Variants in PDZRN4 observed in about 807,000 individuals in gnomAD.
The protein encoded by PDZRN4 is PDZ domain containing ring finger 4.
In PDZRN4, 70 loss-of-function variants were observed where a neutral mutation model predicts 99.0. The ratio of observed to expected loss-of-function variants is 0.71; its 90% CI spans 0.58 to 0.86. The LOEUF (loss-of-function observed/expected upper bound fraction) is 0.86. Among genes scored for constraint, PDZRN4 ranks in the 40% least tolerant of loss-of-function variants. The pLI is 0.00. For synonymous variants in PDZRN4, 551 were observed against 501.6 expected (o/e 1.10, Z -1.32); for missense variants, 1,474 against 1,331.2 (o/e 1.11, Z -1.67).
At chr12:41,464,085 G>A (rs1462014080) in intron 3 of PDZRN4, among the ~76,000 whole-genome samples, 1 of 152,118 alleles carries the variant, frequency 6.6e-6, no homozygotes, top group Non-Finnish European at 1.5e-5. Flanking sequence ...ATAGAATTCA[G>A]TTACCTCCAG....
chr12:41,510,534 A>G (rs1054639977), intron 5 of PDZRN4, among the ~76,000 whole-genome samples: 1 of 152,178 alleles, frequency 6.6e-6, no homozygotes, highest in Admixed American at 6.6e-5. Flanking sequence ...TAAAGAATGT[A>G]TCCTAATATT....
At chr12:41,390,579 T>TAAAAAAAAA (rs1555138907) in intron 3 of PDZRN4, among the ~76,000 whole-genome samples, 18 of 95,386 alleles carry the variant, frequency 1.9e-4, no homozygotes, top group South Asian at 3.7e-4. Flanking sequence ...AAAAAAAAAG[T>TAAAAAAAAA]AAAAGCTTTT....
rs573478738 is a variant in PDZRN4, at chr12:41,380,161, C to T, written c.844-126295C>T. Among the ~76,000 whole-genome samples, 4 of 151,958 alleles carry T rather than the reference C, an allele frequency of 2.6e-5. No homozygotes were observed. The South Asian group carries it at 8.3e-4, about 32-fold the overall frequency. On this transcript the variant is annotated intron_variant, in intron 3 of 9. Coordinates refer to ENST00000402685, the MANE Select transcript of PDZRN4 (RefSeq NM_001164595.2). ...TCTTCTCCGATGTAAATTTAGTCACCCCTGCTCTCTTTTGATTTTCATTGC... is the reference window on the plus strand; with the variant it reads ...TCTTCTCCGATGTAAATTTAGTCACTCCTGCTCTCTTTTGATTTTCATTGC...
At chr12:41,532,526 C>A (rs1303731703) in intron 5 of PDZRN4, among the ~76,000 whole-genome samples, 5 of 152,192 alleles carry the variant, frequency 3.3e-5, no homozygotes, top group African/African-American at 1.2e-4. Context: ...AAATCATGAA[C>A]ATGAGTTCTT....
chr12:41,468,807 T>C (rs1952955931), intron 3 of PDZRN4, among the ~76,000 whole-genome samples: 1 of 152,218 alleles, frequency 6.6e-6, no homozygotes. Context: ...GAATTGATTC[T>C]AATAAGCCTT....
chr12:41,346,089 A>G (rs1175938497), intron 3 of PDZRN4, among the ~76,000 whole-genome samples: 8 of 152,188 alleles, frequency 5.3e-5, no homozygotes, highest in Admixed American at 5.2e-4. Context: ...CACGAGATTA[A>G]GCCCCTTGTC....
At chr12:41,214,362 G>A (rs1950906851) in intron 3 of PDZRN4, among the ~76,000 whole-genome samples, 1 of 134,700 alleles carries the variant, frequency 7.4e-6, no homozygotes, top group African/African-American at 2.8e-5. Context: ...TCAGGAGTTT[G>A]AGGCTGCAGT....
intron 3 of PDZRN4, among the ~76,000 whole-genome samples, chr12:41,305,442 G>C (rs565205388): frequency 7.9e-5 from 12 of 152,280 alleles, no homozygotes; most frequent in Admixed American, 2.6e-4. Context: ...AAATACCGTA[G>C]ATTGAACAAC....
intron 3 of PDZRN4, among the ~76,000 whole-genome samples, chr12:41,489,798 C>T (rs1358524311): frequency 6.6e-6 from 1 of 151,824 alleles, no homozygotes; most frequent in Non-Finnish European, 1.5e-5. Context: ...GAGTATTTCA[C>T]AAGGGCCAAG....
chr12:41,311,022 C>G (rs1445833682), intron 3 of PDZRN4, among the ~76,000 whole-genome samples: 2 of 152,016 alleles, frequency 1.3e-5, no homozygotes, highest in Non-Finnish European at 2.9e-5. Flanking sequence ...GCACAGATAA[C>G]AACTATTAAA....
At chr12:41,203,194 G>A (rs1352887544) in intron 3 of PDZRN4, among the ~76,000 whole-genome samples, 1 of 151,832 alleles carries the variant, frequency 6.6e-6, no homozygotes, top group Non-Finnish European at 1.5e-5. Flanking sequence ...AATCAAGATG[G>A]GAAGATAGTT....
rs1383180725 is a variant in PDZRN4 at position 41,229,898 on chromosome 12, A to T, written c.843+35710A>T. On this transcript the variant is annotated intron_variant, in intron 3 of 9. Coordinates refer to ENST00000402685, the MANE Select transcript of PDZRN4 (RefSeq NM_001164595.2). ...ATGATCCAACTGTATATATTTTTTT[A>T]AATACAATAATTTTTGTTACACATA... Among the ~76,000 whole-genome samples, 5 of 152,178 alleles carry T rather than the reference A, an allele frequency of 3.3e-5. No homozygotes were observed. The South Asian group carries it at 1.0e-3, about 32-fold the overall frequency.
intron 3 of PDZRN4, among the ~76,000 whole-genome samples, chr12:41,382,439 T>C (rs1056598126): frequency 2.6e-5 from 4 of 152,192 alleles, no homozygotes; most frequent in African/African-American, 7.2e-5. Flanking sequence ...TTTTCTGGAG[T>C]ATAAGTTCTT....
chr12:41,204,189 C>T (rs527820022), intron 3 of PDZRN4, among the ~76,000 whole-genome samples: 149 of 152,042 alleles, frequency 9.8e-4, no homozygotes, highest in Admixed American at 1.7e-3. Flanking sequence ...CTTTTATTCT[C>T]TTCATTGCAG....
At chr12:41,376,533 A>T (rs1952082064) in intron 3 of PDZRN4, among the ~76,000 whole-genome samples, 1 of 152,120 alleles carries the variant, frequency 6.6e-6, no homozygotes, top group Admixed American at 6.5e-5. Context: ...TCTTCTTTGG[A>T]AAAATATCAG....
At chr12:41,271,811 T>C (rs1379924285) in intron 3 of PDZRN4, among the ~76,000 whole-genome samples, 2 of 152,094 alleles carry the variant, frequency 1.3e-5, no homozygotes, top group Non-Finnish European at 2.9e-5. Context: ...TTCATTCTAT[T>C]ACAATTGCAT....
intron 5 of PDZRN4, among the ~76,000 whole-genome samples, chr12:41,519,675 T>C (rs1938460448): frequency 6.6e-6 from 1 of 152,082 alleles, no homozygotes; most frequent in African/African-American, 2.4e-5. Flanking sequence ...TGAGGGGTCT[T>C]AGCCCACCAA....
chr12:41,356,892 C>T (rs1951931680), intron 3 of PDZRN4, among the ~76,000 whole-genome samples: 1 of 151,886 alleles, frequency 6.6e-6, no homozygotes, highest in Non-Finnish European at 1.5e-5. Context: ...TGGGAAACCT[C>T]ATTGTTGAGT....
rs544993425 is a variant in PDZRN4 at position 41,285,863 on chromosome 12, C to A, written c.843+91675C>A. ...GTGGGGCCTGTCAGGGGGTGGTGGG[C>A]AAGGGGAGGGAGAGCATTAGGAGAA... On this transcript the variant is annotated intron_variant, in intron 3 of 9. Transcript: ENST00000402685. Among the ~76,000 whole-genome samples the A allele has an allele frequency of 2.7e-5, 4 of 149,560 alleles. No homozygotes were observed. The South Asian group carries it at 8.5e-4, about 32-fold the overall frequency.
Sources: gnomAD v4.1 joint callset for allele counts (sites outside exome capture counted in the v4.1 genomes callset) on GRCh38, gnomAD v4.1.1 for gene constraint, MANE v1.5 for transcripts, NCBI Gene and HGNC (gene_info 2026-07-23, HGNC 2026-07-21) for gene names.